The following DNER variants were observed in gnomAD, a reference collection of about 807,000 sequenced individuals.
DNER encodes delta/notch like EGF repeat containing.
DNER carries 33 observed loss-of-function variants against 78.2 expected under a neutral mutation model. That is an observed-to-expected ratio of 0.42 (90% confidence interval 0.32 to 0.56). The LOEUF (loss-of-function observed/expected upper bound fraction) is 0.56. Among genes scored for constraint, DNER ranks in the 20% least tolerant of loss-of-function variants. The pLI, the probability that DNER is intolerant of heterozygous loss-of-function variation, is 0.11. For missense variants in DNER, 918 were observed against 975.3 expected (o/e 0.94, Z 0.78); for synonymous variants, 417 against 384.8 (o/e 1.08, Z -0.98).
intron 4 of DNER, among the ~76,000 whole-genome samples, chr2:229,562,075 G>C (rs1195534637): frequency 6.6e-6 from 1 of 152,108 alleles, no homozygotes; most frequent in African/African-American, 2.4e-5. Context: ...CCTCTTGATG[G>C]TAACAGTGGG....
At chr2:229,442,789 A>T (rs1164387605) in intron 8 of DNER, among the ~76,000 whole-genome samples, 1 of 152,186 alleles carries the variant, frequency 6.6e-6, no homozygotes, top group African/African-American at 2.4e-5. Context: ...CAGAAGGAGC[A>T]GTGTCAACTG....
chr2:229,611,501 A>C (rs1698046898), intron 1 of DNER, among the ~76,000 whole-genome samples: 1 of 152,232 alleles, frequency 6.6e-6, no homozygotes, highest in African/African-American at 2.4e-5. Context: ...TAGAAATCTC[A>C]ATAATCAGTC....
intron 1 of DNER, among the ~76,000 whole-genome samples, chr2:229,680,571 G>GAGACCAAATGGCATTGGACATTGGACC (rs1699369625): frequency 2.0e-5 from 3 of 152,186 alleles, no homozygotes; most frequent in African/African-American, 7.2e-5. Flanking sequence ...CTCAACACTG[G>GAGACCAAATGGCATTGGACATTGGACC]AATGTCCAAT....
intron 10 of DNER, among the ~76,000 whole-genome samples, chr2:229,401,124 G>A (rs1693257951): frequency 6.6e-6 from 1 of 152,050 alleles, no homozygotes; most frequent in African/African-American, 2.4e-5. Context: ...ACCCCAATGA[G>A]CTATCATTTT....
intron 1 of DNER, chr2:229,606,095 G>A (rs903038286): frequency 1.3e-5 from 2 of 152,198 alleles, no homozygotes; most frequent in Non-Finnish European, 2.9e-5. Flanking sequence ...TGGAAGAAAA[G>A]GGGGATCCTC....
chr2:229,432,600 T>C (rs572881343), intron 8 of DNER, among the ~76,000 whole-genome samples: 3 of 152,318 alleles, frequency 2.0e-5, no homozygotes, highest in Non-Finnish European at 2.9e-5. Context: ...AGACATTCAT[T>C]TGAGGTATCC....
chr2:229,658,189 T>C (rs1352443871), intron 1 of DNER, among the ~76,000 whole-genome samples: 1 of 152,200 alleles, frequency 6.6e-6, no homozygotes, highest in Non-Finnish European at 1.5e-5. Flanking sequence ...ACTGAAGATA[T>C]GGTGATATCT....
chr2:229,573,722 G>C (rs1697252264), intron 4 of DNER, among the ~76,000 whole-genome samples: 1 of 152,204 alleles, frequency 6.6e-6, no homozygotes, highest in Admixed American at 6.5e-5. Context: ...GAATATGACT[G>C]TTCTCTGCAT....
chr2:229,704,892 T>C (rs1264261847), intron 1 of DNER, among the ~76,000 whole-genome samples: 1 of 152,272 alleles, frequency 6.6e-6, no homozygotes, highest in African/African-American at 2.4e-5. Flanking sequence ...AAGATTTTCG[T>C]GTTCTTTTCA....
chr2:229,423,639 T>G (rs1693811707), intron 8 of DNER, among the ~76,000 whole-genome samples: 1 of 150,978 alleles, frequency 6.6e-6, no homozygotes. Flanking sequence ...AAAGATATAC[T>G]GAGTTTTCCT....
chr2:229,470,767 T>C (rs1694909055), intron 7 of DNER, among the ~76,000 whole-genome samples: 2 of 152,124 alleles, frequency 1.3e-5, no homozygotes, highest in South Asian at 4.2e-4. Context: ...GGAGAATCAC[T>C]TGAATCTGGG....
chr2:229,578,192 G>A (rs1455769015), intron 4 of DNER, among the ~76,000 whole-genome samples: 1 of 152,152 alleles, frequency 6.6e-6, no homozygotes, highest in African/African-American at 2.4e-5. Context: ...TCCTATGGGA[G>A]TCCTTTCTTC....
At chr2:229,537,111 G>T (rs145150520) in intron 5 of DNER, among the ~76,000 whole-genome samples, 1 of 152,074 alleles carries the variant, frequency 6.6e-6, no homozygotes, top group South Asian at 2.1e-4. Flanking sequence ...GTAGCATCTC[G>T]GGGCCATCCC....
intron 4 of DNER, among the ~76,000 whole-genome samples, chr2:229,569,438 C>G (rs1025715943): frequency 2.0e-5 from 3 of 152,144 alleles, no homozygotes; most frequent in Non-Finnish European, 4.4e-5. Flanking sequence ...AGGAGAATCA[C>G]TTGAACCTGG....
rs895481947 is a variant in DNER at position 229,714,332 on chromosome 2, C to T, written c.92G>A (p.Ser31Asn). 3.1e-6 allele frequency: 4 copies of T among 1,270,188 alleles called. No individual in the cohort carries two copies. Among genetic ancestry groups the T allele is most frequent in the Non-Finnish European group, 3.9e-6 (4 of 1,014,220 alleles). 78.7% of individuals were successfully genotyped at this position (1,270,188 alleles called of 1,614,324 possible). ...GGCGGGCACCGGGTTGGCCAGGGAGCTGCCTCGGGGCCCCGCTCCGAGCAG... is the reference window on the plus strand; with the variant it reads ...GGCGGGCACCGGGTTGGCCAGGGAGTTGCCTCGGGGCCCCGCTCCGAGCAG... ...LLLLGAGPRG[S>N]SLANPVPAAP... The change falls in exon 1 of 13, where the codon AGC becomes AAC. Residue 31 changes from serine (S) to asparagine (N), a missense_variant. Physicochemically the swap from Ser to Asn is conservative, Grantham distance 46 (BLOSUM62 1). Coordinates refer to ENST00000341772, the MANE Select transcript of DNER (RefSeq NM_139072.4).
At chr2:229,404,804 A>G (rs941314978) in intron 10 of DNER, among the ~76,000 whole-genome samples, 4 of 152,226 alleles carry the variant, frequency 2.6e-5, no homozygotes, top group African/African-American at 4.8e-5. Flanking sequence ...AATGCATTAG[A>G]GACTTAAATG....
intron 1 of DNER, among the ~76,000 whole-genome samples, chr2:229,696,830 G>A (rs1399028098): frequency 6.6e-6 from 1 of 152,166 alleles, no homozygotes; most frequent in Non-Finnish European, 1.5e-5. Flanking sequence ...AACGACAGTA[G>A]CAAGACATTA....
At chr2:229,699,969 G>A (rs1024972051) in intron 1 of DNER, among the ~76,000 whole-genome samples, 5 of 151,702 alleles carry the variant, frequency 3.3e-5, no homozygotes, top group Non-Finnish European at 5.9e-5. Context: ...GACAAAGGGC[G>A]AATTTAATTT....
chr2:229,479,514 AC>A (rs1339697433), intron 6 of DNER, among the ~76,000 whole-genome samples: 1 of 152,084 alleles, frequency 6.6e-6, no homozygotes, highest in East Asian at 1.9e-4. Flanking sequence ...GGAGTTCAAG[AC>A]CAGCCTGACC....
Sources: allele counts gnomAD v4.1 joint callset (sites outside exome capture counted in the v4.1 genomes callset), GRCh38; gene constraint gnomAD v4.1.1; transcripts MANE v1.5; gene names NCBI Gene and HGNC (gene_info 2026-07-23, HGNC 2026-07-21).